The following LRBA variants were observed in gnomAD, a reference collection of about 807,000 sequenced individuals.
LRBA encodes lipopolysaccharide-responsive and beige-like anchor protein.
A neutral mutation model predicts 330.0 loss-of-function variants in LRBA; 176 were observed. The observed-to-expected ratio is 0.53, with a 90% CI of 0.47 to 0.60. The LOEUF is 0.60. Among genes scored for constraint, LRBA ranks in the 20% least tolerant of loss-of-function variants. The pLI is 0.00. For synonymous variants in LRBA, 1,230 were observed against 1,193.0 expected (o/e 1.03, Z -0.64); for missense variants, 3,259 against 3,444.8 (o/e 0.95, Z 1.35).
intron 40 of LRBA, among the ~76,000 whole-genome samples, chr4:150,525,660 C>T (rs1048080683): frequency 7.9e-5 from 12 of 152,110 alleles, no homozygotes; most frequent in African/African-American, 2.7e-4. Flanking sequence ...CATCCAGGAA[C>T]GTAAGGATAG....
intron 2 of LRBA, among the ~76,000 whole-genome samples, chr4:150,982,816 T>C (rs760422749): frequency 6.6e-6 from 1 of 152,184 alleles, no homozygotes; most frequent in African/African-American, 2.4e-5. Context: ...ATGAATGTAA[T>C]GGAACAAATT....
At chr4:150,922,094 C>T (rs1733346463) in intron 4 of LRBA, among the ~76,000 whole-genome samples, 1 of 152,094 alleles carries the variant, frequency 6.6e-6, no homozygotes, top group African/African-American at 2.4e-5. Flanking sequence ...CTCCTGACTT[C>T]AAGTGATCCA....
At chr4:150,594,066 C>A (rs987022776) in intron 38 of LRBA, among the ~76,000 whole-genome samples, 1 of 151,982 alleles carries the variant, frequency 6.6e-6, no homozygotes, top group East Asian at 1.9e-4. Context: ...CATACACACA[C>A]CCACTTTAAT....
chr4:150,672,562 T>C (rs952031464), intron 37 of LRBA, among the ~76,000 whole-genome samples: 4 of 151,996 alleles, frequency 2.6e-5, no homozygotes, highest in Non-Finnish European at 4.4e-5. Flanking sequence ...TATTATAATT[T>C]ATTTTTTTTA....
chr4:150,815,783 ACTTTCT>A (rs1303553832), intron 31 of LRBA, among the ~76,000 whole-genome samples: 10 of 151,834 alleles, frequency 6.6e-5, no homozygotes, highest in Admixed American at 2.6e-4. Context: ...TTCATAATAC[ACTTTCT>A]TGCTTTTACC....
At chr4:150,466,597 C>A (rs1755480424) in intron 44 of LRBA, among the ~76,000 whole-genome samples, 1 of 151,950 alleles carries the variant, frequency 6.6e-6, no homozygotes, top group Non-Finnish European at 1.5e-5. Flanking sequence ...GAATAAAGGA[C>A]CAACACTGGG....
chr4:150,763,695 C>T (rs1735392685), intron 34 of LRBA, among the ~76,000 whole-genome samples: 1 of 151,508 alleles, frequency 6.6e-6, no homozygotes. Flanking sequence ...GGTCCCACAC[C>T]TAACTTCCCA....
At chr4:150,925,270 T>G (rs1703782381) in intron 4 of LRBA, among the ~76,000 whole-genome samples, 1 of 152,234 alleles carries the variant, frequency 6.6e-6, no homozygotes, top group South Asian at 2.1e-4. Context: ...ATGTACTGAT[T>G]CTGTTATAGA....
intron 36 of LRBA, among the ~76,000 whole-genome samples, chr4:150,685,938 G>T (rs1055490302): frequency 3.3e-5 from 5 of 152,104 alleles, no homozygotes; most frequent in Non-Finnish European, 5.9e-5. Context: ...GGTAGAACGA[G>T]TAATAGTCTG....
In LRBA at chr4:150,683,722, G is replaced by T. The variant is rs775643775; in HGVS notation, c.5755-5C>A. 2.1e-5 allele frequency: 32 copies of T among 1,560,662 alleles called. No individual in the cohort carries two copies. The highest frequency in any genetic ancestry group is 2.8e-5 in the Non-Finnish European group (32 of 1,149,986). On this transcript the variant is annotated splice_region_variant and splice_polypyrimidine_tract_variant and intron_variant, in intron 36 of 56. Transcript: ENST00000651943. ...AGAATACTGGGCACACAGTGACTTG[G>T]AGAGAAAAAAAAATAATACTATAAA...
intron 2 of LRBA, chr4:150,970,870 T>C (rs1739513598): frequency 6.6e-6 from 1 of 152,100 alleles, no homozygotes; most frequent in African/African-American, 2.4e-5. Flanking sequence ...GCACCTACTA[T>C]GTGCTGGGCA....
At chr4:150,388,669 T>G (rs910195944) in intron 47 of LRBA, among the ~76,000 whole-genome samples, 12 of 152,132 alleles carry the variant, frequency 7.9e-5, no homozygotes, top group African/African-American at 2.9e-4. Context: ...GTTGGGAGCA[T>G]TAAGTGAGAT....
chr4:150,577,712 A>C (rs565968133), intron 40 of LRBA, among the ~76,000 whole-genome samples: 2 of 152,268 alleles, frequency 1.3e-5, no homozygotes, highest in East Asian at 3.9e-4. Flanking sequence ...ACAATATATT[A>C]TTTTTACAGA....
At chr4:150,792,080 AAG>A (rs1194956342) in intron 34 of LRBA, among the ~76,000 whole-genome samples, 1 of 151,656 alleles carries the variant, frequency 6.6e-6, no homozygotes, top group African/African-American at 2.4e-5. Context: ...TGATTAAGCA[AAG>A]CAACTCATAG....
chr4:150,930,941 C>A (rs1734421622), intron 2 of LRBA, among the ~76,000 whole-genome samples: 1 of 152,174 alleles, frequency 6.6e-6, no homozygotes, highest in African/African-American at 2.4e-5. Flanking sequence ...GTTCCCTAGT[C>A]CTCCTGGATA....
chr4:150,313,762 T>G (rs1731364097), intron 51 of LRBA, among the ~76,000 whole-genome samples: 1 of 151,332 alleles, frequency 6.6e-6, no homozygotes, highest in Admixed American at 6.6e-5. Flanking sequence ...TGGAATATTT[T>G]CATAGATTGA....
chr4:150,849,082 G>T, intron 25 of LRBA, 84 bp from the exon 26 acceptor site: 1 of 885,036 alleles, frequency 1.1e-6, no homozygotes, highest in South Asian at 1.9e-5. Context: ...TTTATAAATT[G>T]CATAAGTAGT....
At chr4:150,949,528 G>C (rs1322852026) in intron 2 of LRBA, among the ~76,000 whole-genome samples, 1 of 151,996 alleles carries the variant, frequency 6.6e-6, no homozygotes, top group Non-Finnish European at 1.5e-5. Flanking sequence ...TTCCCATTGG[G>C]GGAAACCGGA....
At chr4:150,304,902 A>G (rs1730159743) in intron 52 of LRBA, among the ~76,000 whole-genome samples, 1 of 152,232 alleles carries the variant, frequency 6.6e-6, no homozygotes, top group Non-Finnish European at 1.5e-5. Flanking sequence ...AAAGAAATAC[A>G]TCATATATAC....
Sources: gnomAD v4.1 joint callset for allele counts (sites outside exome capture counted in the v4.1 genomes callset) on GRCh38, gnomAD v4.1.1 for gene constraint, MANE v1.5 for transcripts, NCBI Gene and HGNC (gene_info 2026-07-23, HGNC 2026-07-21) for gene names.